DCDC1: variants seen among roughly 807,000 people sequenced by gnomAD.
The protein encoded by DCDC1 is doublecortin domain-containing protein 1.
Under a neutral mutation model 178.3 loss-of-function variants are expected in DCDC1, and 200 were observed. The ratio of observed to expected loss-of-function variants is 1.12; its 90% CI spans 1.00 to 1.26. The LOEUF is 1.26. Among genes scored for constraint, DCDC1 ranks in the 50% most tolerant of loss-of-function variants. DCDC1 has a pLI of 0.00. For synonymous variants in DCDC1, 690 were observed against 604.8 expected (o/e 1.14, Z -2.07); for missense variants, 1,983 against 1,749.2 (o/e 1.13, Z -2.38).
rs181652249 is a variant in DCDC1, at chr11:31,215,520, C to T, written c.1221+25930G>A. On this transcript the variant is annotated intron_variant, in intron 9 of 38. Coordinates refer to ENST00000684477, the MANE Select transcript of DCDC1 (RefSeq NM_001387274.1). ...CTAAAAATGGAGGCAGCAGGCCTGG[C>T]GCGGTAGCTCATGCCTGTAATCCTA... is the stretch of plus-strand genomic sequence containing the variant. Among the ~76,000 whole-genome samples, 26 of 148,850 alleles carry T rather than the reference C, an allele frequency of 1.7e-4. No homozygotes were observed. In the East Asian group the frequency reaches 4.1e-3, roughly 23 times the overall value.
At chr11:30,946,797 A>C (rs866319255) in intron 21 of DCDC1, among the ~76,000 whole-genome samples, 112 of 152,316 alleles carry the variant, frequency 7.4e-4, no homozygotes, top group African/African-American at 2.6e-3. Context: ...CCTAGAAATA[A>C]AATATTACAT....
chr11:31,306,725 G>A (rs1193379537), intron 4 of DCDC1, among the ~76,000 whole-genome samples: 1 of 151,732 alleles, frequency 6.6e-6, no homozygotes, highest in Non-Finnish European at 1.5e-5. Flanking sequence ...TTATATATAT[G>A]AGATATGTTC....
At chr11:30,922,367 T>C in intron 24 of DCDC1, 136 bp downstream of exon 24, 12 of 982,886 alleles carry the variant, frequency 1.2e-5, no homozygotes, top group East Asian at 3.1e-5. Context: ...ACACATAATT[T>C]AGTTTAAAGA....
chr11:31,359,970 G>A (rs547497246), intron 1 of DCDC1, among the ~76,000 whole-genome samples: 255 of 152,268 alleles, frequency 1.7e-3, no homozygotes, highest in African/African-American at 5.6e-3. Context: ...AATGGTATCT[G>A]CCTTACCTAC....
chr11:31,078,819 C>T (rs1458606852), intron 17 of DCDC1, among the ~76,000 whole-genome samples: 2 of 129,176 alleles, frequency 1.5e-5, no homozygotes, highest in African/African-American at 5.7e-5. Flanking sequence ...TGGACCCACC[C>T]CCCACCCAAA....
rs1320975620 is a variant in DCDC1, at chr11:31,127,526, GT to G, written c.1427del (p.Tyr476SerfsTer51). 2 of 702,700 alleles carry G rather than the reference GT, an allele frequency of 2.8e-6. No homozygotes were observed. Among genetic ancestry groups the G allele is most frequent in the Non-Finnish European group, 5.2e-6 (2 of 384,786 alleles). The allele number at this position is 702,700 out of a possible 1,614,324, so 43.5% of individuals were successfully genotyped here. A position where few individuals can be genotyped will look rare whatever the true frequency, so the allele number is the denominator to read the frequency against. On this transcript the variant is annotated frameshift_variant, in exon 11 of 39. Coordinates refer to ENST00000684477, the MANE Select transcript of DCDC1 (RefSeq NM_001387274.1). LOFTEE classifies it high-confidence loss of function. Reference protein sequence around the residue: ...AEQEQFSSYVYQHIKSLPANT... With the variant: ...AEQEQFSSYVXQHIKSLPANT... ...TTGCTGGAAGGCTTTTAATGTGTTG[GT>G]AGACATAAGAGGAGAATTGCTCCTG...
intron 20 of DCDC1, among the ~76,000 whole-genome samples, chr11:30,982,653 A>T (rs183875066): frequency 6.7e-6 from 1 of 148,750 alleles, no homozygotes; most frequent in Non-Finnish European, 1.5e-5. Context: ...TTAATCTGCA[A>T]TTTTTCACAT....
intron 3 of DCDC1, among the ~76,000 whole-genome samples, chr11:31,327,464 C>A (rs930123724): frequency 2.0e-5 from 3 of 152,062 alleles, no homozygotes; most frequent in South Asian, 4.2e-4. Context: ...GTAACTGCAC[C>A]CAGCCTCTAG....
At chr11:31,024,656 T>C (rs1953105143) in intron 20 of DCDC1, among the ~76,000 whole-genome samples, 1 of 151,900 alleles carries the variant, frequency 6.6e-6, no homozygotes, top group South Asian at 2.1e-4. Flanking sequence ...CAGTGTGGCA[T>C]GTTTTCATTC....
At chr11:31,017,881 C>T (rs1303493172) in intron 20 of DCDC1, among the ~76,000 whole-genome samples, 2 of 152,196 alleles carry the variant, frequency 1.3e-5, no homozygotes, top group Non-Finnish European at 2.9e-5. Flanking sequence ...GTGTGAGCCA[C>T]CATGCCCGGC....
In DCDC1 at chr11:30,984,507, C is replaced by G. The variant is rs559509697; in HGVS notation, c.2592-31939G>C. ...ACACAACACACAAGGTCTGTCTAAT[C>G]TGATCTCAGGGTGAGTCAGTTAGAC... On this transcript the variant is annotated intron_variant, in intron 20 of 38. Transcript: ENST00000684477. Among the ~76,000 whole-genome samples, 5 of 152,284 alleles carry G rather than the reference C, an allele frequency of 3.3e-5. No individual in the cohort carries two copies. The South Asian group carries it at 1.0e-3, about 32-fold the overall frequency.
chr11:31,308,842 C>T (rs1229812994), intron 3 of DCDC1, among the ~76,000 whole-genome samples: 1 of 152,014 alleles, frequency 6.6e-6, no homozygotes, highest in Non-Finnish European at 1.5e-5. Flanking sequence ...CATGTATTAC[C>T]ATAATCGGAA....
At chr11:31,117,582 G>A (rs1355385002) in intron 11 of DCDC1, among the ~76,000 whole-genome samples, 2 of 151,718 alleles carry the variant, frequency 1.3e-5, no homozygotes, top group African/African-American at 2.4e-5. Context: ...CTTGGGAGTG[G>A]GCCCACATTC....
intron 9 of DCDC1, among the ~76,000 whole-genome samples, chr11:31,149,298 T>G (rs1964861044): frequency 6.6e-6 from 1 of 152,118 alleles, no homozygotes; most frequent in Non-Finnish European, 1.5e-5. Context: ...GGAGAACTTT[T>G]CTGTCTAGCT....
intron 9 of DCDC1, among the ~76,000 whole-genome samples, chr11:31,235,946 T>C (rs1371700188): frequency 6.6e-6 from 1 of 151,940 alleles, no homozygotes; most frequent in Non-Finnish European, 1.5e-5. Context: ...AAAACCTCTA[T>C]TTTTTTCCAA....
At chr11:31,251,792 A>G (rs1197444748) in intron 8 of DCDC1, among the ~76,000 whole-genome samples, 2 of 152,162 alleles carry the variant, frequency 1.3e-5, no homozygotes, top group Non-Finnish European at 2.9e-5. Context: ...TAGCCTGCCA[A>G]GAGGATAGGG....
chr11:31,011,783 AT>A (rs1259539902), intron 20 of DCDC1, among the ~76,000 whole-genome samples: 1 of 152,240 alleles, frequency 6.6e-6, no homozygotes, highest in Non-Finnish European at 1.5e-5. Context: ...CTGAAGCACT[AT>A]TTGTAAAATT....
chr11:30,867,836 A>G (rs554667664), intron 38 of DCDC1, among the ~76,000 whole-genome samples: 1 of 152,312 alleles, frequency 6.6e-6, no homozygotes, highest in Non-Finnish European at 1.5e-5. Flanking sequence ...CTTCCTAATC[A>G]TATCACTGAA....
chr11:30,947,889 AC>A (rs370745419), intron 21 of DCDC1, among the ~76,000 whole-genome samples: 3 of 152,140 alleles, frequency 2.0e-5, no homozygotes, highest in East Asian at 3.9e-4. Context: ...AAATAACCTA[AC>A]AAAAAAAGTG....
Sources: gnomAD v4.1 joint callset for allele counts (sites outside exome capture counted in the v4.1 genomes callset) on GRCh38, gnomAD v4.1.1 for gene constraint, MANE v1.5 for transcripts, NCBI Gene and HGNC (gene_info 2026-07-23, HGNC 2026-07-21) for gene names.